Variants in BDNF observed in about 807,000 individuals in gnomAD.
The protein encoded by BDNF is neurotrophic factor BDNF precursor form.
In BDNF, 1 loss-of-function variant was observed where a neutral mutation model predicts 19.5. The observed-to-expected ratio is 0.05, with a 90% CI of 0.02 to 0.24. The LOEUF is 0.24. Ranked by LOEUF, BDNF falls within the 10% of genes least tolerant of loss-of-function variation. The pLI is 1.00. For missense variants in BDNF, 195 were observed against 317.6 expected (o/e 0.61, Z 2.93); for synonymous variants, 100 against 121.6 (o/e 0.82, Z 1.17).
chr11:27,680,349 T>C (rs1856688138), intron 1 of BDNF, among the ~76,000 whole-genome samples: 1 of 152,202 alleles, frequency 6.6e-6, no homozygotes, highest in South Asian at 2.1e-4. Flanking sequence ...ATAAAGATCA[T>C]ATTTTGTAGA....
upstream of BDNF, among the ~76,000 whole-genome samples, chr11:27,704,914 A>T (rs2134096311): frequency 6.6e-6 from 1 of 152,368 alleles, no homozygotes; most frequent in South Asian, 2.1e-4. Context: ...GAGTTATGTA[A>T]CCAGGCATAG....
At chr11:27,670,184 G>C (rs1855113634) in intron 1 of BDNF, among the ~76,000 whole-genome samples, 1 of 152,168 alleles carries the variant, frequency 6.6e-6, no homozygotes, top group Non-Finnish European at 1.5e-5. Flanking sequence ...AATAAATGGT[G>C]CTGGGAAAAC....
Position 27,657,337 on chromosome 11 carries a change from T to G in BDNF, c.*484A>C. The G allele has an allele frequency of 2.0e-6, 2 of 997,540 alleles. No homozygotes were observed. The highest frequency in any genetic ancestry group is 2.4e-6 in the Non-Finnish European group (2 of 836,766). 61.8% of individuals were successfully genotyped at this position (997,540 alleles called of 1,614,324 possible). On this transcript the variant is annotated 3_prime_UTR_variant, in exon 2 of 2. Coordinates refer to ENST00000356660, the MANE Select transcript of BDNF (RefSeq NM_001709.5). The surrounding 1 kb of genome is among the most constrained non-coding windows in gnomAD (Gnocchi z 5.0). ...AATGACAACAGCACCTTGACATTGT[T>G]TTAATTCCAACGCTATCAGAAGTTA...
intron 1 of BDNF, among the ~76,000 whole-genome samples, chr11:27,706,746 AC>A (rs1250888452): frequency 6.6e-5 from 10 of 152,166 alleles, no homozygotes; most frequent in Non-Finnish European, 2.9e-5. Context: ...TTATCTGGAC[AC>A]AGCTGTTGGG....
chr11:27,668,096 A>C (rs1854686344), intron 1 of BDNF, among the ~76,000 whole-genome samples: 1 of 152,244 alleles, frequency 6.6e-6, no homozygotes, highest in African/African-American at 2.4e-5. Flanking sequence ...TTCAAACTAG[A>C]ACTCAGGATT....
At chr11:27,667,806 A>C (rs1281685050) in intron 1 of BDNF, among the ~76,000 whole-genome samples, 1 of 152,210 alleles carries the variant, frequency 6.6e-6, no homozygotes, top group African/African-American at 2.4e-5. Context: ...AGACTCCCAC[A>C]CAATAATAAT....
chr11:27,719,661 G>T (rs1860671188), intron 1 of BDNF: 1 of 983,220 alleles, frequency 1.0e-6, no homozygotes, highest in African/African-American at 1.8e-5. Context: ...AACCCAGAAA[G>T]AAGCATCCAG....
intron 1 of BDNF, among the ~76,000 whole-genome samples, chr11:27,670,910 T>C (rs1462584800): frequency 6.6e-6 from 1 of 152,222 alleles, no homozygotes; most frequent in East Asian, 1.9e-4. Context: ...TTACTGGGTA[T>C]ATACCCAGAG....
chr11:27,657,581 C>T lies in BDNF; in HGVS notation c.*240G>A. ...TCAGTTCTTGGCAACGGCAACAAAC[C>T]ACAACATTATCAAGGAATGTAATGC... On this transcript the variant is annotated 3_prime_UTR_variant, in exon 2 of 2. Transcript: ENST00000356660. The surrounding 1 kb of genome is among the most constrained non-coding windows in gnomAD (Gnocchi z 5.0). 1.6e-6 allele frequency: 2 copies of T among 1,286,060 alleles called. No homozygotes were observed. The highest frequency in any genetic ancestry group is 2.0e-6 in the Non-Finnish European group (2 of 1,017,120). The allele number at this position is 1,286,060 out of a possible 1,614,324, so 79.7% of individuals were successfully genotyped here. A position where few individuals can be genotyped will look rare whatever the true frequency, so the allele number is the denominator to read the frequency against.
chr11:27,692,941 A>G (rs1381167279), intron 1 of BDNF, among the ~76,000 whole-genome samples: 1 of 152,186 alleles, frequency 6.6e-6, no homozygotes, highest in Admixed American at 6.5e-5. Context: ...CTAATCCTTC[A>G]CAGTTTTAGA....
chr11:27,664,551 G>A (rs1418891628), intron 1 of BDNF, among the ~76,000 whole-genome samples: 1 of 152,096 alleles, frequency 6.6e-6, no homozygotes, highest in Non-Finnish European at 1.5e-5. Context: ...GGCCGAGGCG[G>A]GAGGATCACT....
intron 1 of BDNF, among the ~76,000 whole-genome samples, chr11:27,685,701 G>A (rs1220328412): frequency 6.6e-6 from 1 of 152,174 alleles, no homozygotes; most frequent in Admixed American, 6.5e-5. Context: ...CACTGTAGTT[G>A]TATGGTTTTG....
intron 1 of BDNF, chr11:27,720,627 G>C: frequency 1.0e-6 from 1 of 985,482 alleles, no homozygotes; most frequent in Non-Finnish European, 1.2e-6. Context: ...GCTTTACAGC[G>C]GGGCCAAGAA....
At chr11:27,673,277 C>T (rs1319843179) in intron 1 of BDNF, among the ~76,000 whole-genome samples, 1 of 149,860 alleles carries the variant, frequency 6.7e-6, no homozygotes, top group African/African-American at 2.5e-5. Context: ...AAGGGTGATG[C>T]AACTGCATTC....
chr11:27,666,867 T>G (rs979140825), intron 1 of BDNF, among the ~76,000 whole-genome samples: 5 of 152,172 alleles, frequency 3.3e-5, no homozygotes, highest in Admixed American at 6.5e-5. Context: ...CCAGGAGAAC[T>G]TCCCCAATCT....
chr11:27,699,665 T>C (rs1317333486), intron 1 of BDNF: 2 of 1,419,934 alleles, frequency 1.4e-6, no homozygotes, highest in Non-Finnish European at 9.2e-7. Flanking sequence ...CAGGTAGCCG[T>C]GTGCAGCTCC....
upstream of BDNF, chr11:27,700,699 A>T: frequency 8.6e-7 from 1 of 1,161,230 alleles, no homozygotes; most frequent in East Asian, 6.2e-5. Context: ...GCCCCGCGAC[A>T]TCGCCCTGCG....
intron 1 of BDNF, chr11:27,659,464 G>C (rs1237871489): frequency 1.0e-6 from 1 of 1,000,210 alleles, no homozygotes; most frequent in East Asian, 1.1e-4. Context: ...AACTGAAAAA[G>C]TCAGCATTAA....
At chr11:27,720,474 C>T in intron 1 of BDNF, 1 of 985,858 alleles carries the variant, frequency 1.0e-6, no homozygotes, top group Admixed American at 6.1e-5. Context: ...GCTAGGAAGC[C>T]AACTTCAGCG....
Sources: allele counts gnomAD v4.1 joint callset (sites outside exome capture counted in the v4.1 genomes callset), GRCh38; gene constraint gnomAD v4.1.1; non-coding constraint Gnocchi (gnomAD v3.1); transcripts MANE v1.5; gene names NCBI Gene and HGNC (gene_info 2026-07-23, HGNC 2026-07-21).